The following COMMD10 variants were observed in gnomAD, a reference collection of about 807,000 sequenced individuals.
COMMD10 encodes COMM domain-containing protein 10.
In COMMD10, 33 loss-of-function variants were observed where a neutral mutation model predicts 28.9. The observed-to-expected ratio is 1.14, with a 90% CI of 0.87 to 1.53. COMMD10 has a LOEUF of 1.53. Ranked by LOEUF, COMMD10 falls within the 40% of genes most tolerant of loss-of-function variation. The pLI, the probability that COMMD10 is intolerant of heterozygous loss-of-function variation, is 0.00. For missense variants in COMMD10, 310 were observed against 233.4 expected (o/e 1.33, Z -2.14); for synonymous variants, 110 against 81.7 (o/e 1.35, Z -1.87).
chr5:116,098,943 A>G (rs1750557336), intron 4 of COMMD10, among the ~76,000 whole-genome samples: 1 of 152,224 alleles, frequency 6.6e-6, no homozygotes, highest in South Asian at 2.1e-4. Context: ...CTGTCACCAC[A>G]CAGTTACCAC....
chr5:116,221,258 C>T lies in COMMD10; in HGVS notation c.511-70259C>T, dbSNP rs138417922. ...CCTTATTCCAACCAATCAATGACCC[C>T]AAATTTCCAGCCCCTTGCCCTCTAC... On this transcript the variant is annotated intron_variant, in intron 5 of 6. Coordinates refer to ENST00000274458, the MANE Select transcript of COMMD10 (RefSeq NM_016144.4). 2.0e-3 allele frequency among the ~76,000 whole-genome samples: 302 copies of T among 152,052 alleles called. 2 individuals are homozygous for T. The highest frequency in any genetic ancestry group is 6.9e-3 in the African/African-American group (287 of 41,470).
chr5:116,157,667 A>C (rs1489400256), intron 5 of COMMD10, among the ~76,000 whole-genome samples: 1 of 152,186 alleles, frequency 6.6e-6, no homozygotes, highest in Non-Finnish European at 1.5e-5. Context: ...TTGTTGATGG[A>C]ACATGCTGCA....
chr5:116,260,580 G>A (rs4466201), intron 5 of COMMD10, among the ~76,000 whole-genome samples: 92,135 of 151,598 alleles, frequency 0.61, 31,762 homozygotes, highest in South Asian at 0.77. Flanking sequence ...ATCACAAAAG[G>A]ACTTCACTGT....
intron 5 of COMMD10, among the ~76,000 whole-genome samples, chr5:116,254,497 G>C (rs1750221016): frequency 1.3e-5 from 2 of 150,942 alleles, no homozygotes; most frequent in African/African-American, 4.9e-5. Context: ...GGTATGTTGT[G>C]TCTTTGTTCT....
intron 5 of COMMD10, among the ~76,000 whole-genome samples, chr5:116,141,046 G>A (rs1408036432): frequency 1.3e-5 from 2 of 151,766 alleles, no homozygotes; most frequent in East Asian, 1.9e-4. Context: ...CTTTCTTCTA[G>A]GAGTTTTATG....
intron 5 of COMMD10, among the ~76,000 whole-genome samples, chr5:116,245,952 C>A (rs967981153): frequency 1.3e-5 from 2 of 152,094 alleles, no homozygotes; most frequent in Non-Finnish European, 2.9e-5. Context: ...TCTCACCACT[C>A]CTATTCAACA....
At chr5:116,216,287 A>G (rs1749098473) in intron 5 of COMMD10, among the ~76,000 whole-genome samples, 1 of 152,228 alleles carries the variant, frequency 6.6e-6, no homozygotes, top group African/African-American at 2.4e-5. Flanking sequence ...TTGAGTTTTT[A>G]AATGTATGTT....
chr5:116,153,674 A>C (rs144628239), intron 5 of COMMD10, among the ~76,000 whole-genome samples: 26 of 152,162 alleles, frequency 1.7e-4, no homozygotes, highest in Admixed American at 1.4e-3. Context: ...AATAATTTGC[A>C]GCTTAATAAA....
intron 5 of COMMD10, among the ~76,000 whole-genome samples, chr5:116,222,522 T>TCCTA (rs1749287465): frequency 6.6e-6 from 1 of 152,162 alleles, no homozygotes; most frequent in Non-Finnish European, 1.5e-5. Flanking sequence ...AGTCTACTTG[T>TCCTA]ATTTGTAAAG....
chr5:116,159,009 TG>T (rs1752831226), intron 5 of COMMD10, among the ~76,000 whole-genome samples: 2 of 152,212 alleles, frequency 1.3e-5, no homozygotes, highest in Admixed American at 6.5e-5. Flanking sequence ...TTATTTCTCC[TG>T]TGGCTAATCA....
intron 5 of COMMD10, among the ~76,000 whole-genome samples, chr5:116,137,245 T>C (rs3933997): frequency 0.82 from 124,953 of 151,944 alleles, 51,543 homozygotes; most frequent in African/African-American, 0.85. Context: ...CTACTTTTCT[T>C]TCAAATATTT....
At chr5:116,159,380 T>G (rs10062347) in intron 5 of COMMD10, among the ~76,000 whole-genome samples, 77,005 of 152,064 alleles carry the variant, frequency 0.51, 22,155 homozygotes, top group Non-Finnish European at 0.65. Context: ...TCCCTAGATA[T>G]ACACATGGAT....
chr5:116,259,748 C>T (rs1446262671), intron 5 of COMMD10, among the ~76,000 whole-genome samples: 3 of 151,626 alleles, frequency 2.0e-5, no homozygotes, highest in African/African-American at 7.3e-5. Context: ...AAGTTTTTCA[C>T]CTGGGTTTCG....
At chr5:116,148,100 A>T (rs937151915) in intron 5 of COMMD10, among the ~76,000 whole-genome samples, 1 of 151,860 alleles carries the variant, frequency 6.6e-6, no homozygotes, top group African/African-American at 2.4e-5. Flanking sequence ...TTAAAGCCAT[A>T]TTTAAAATAC....
At chr5:116,130,874 A>C (rs1580472785) in intron 4 of COMMD10, among the ~76,000 whole-genome samples, 2 of 152,022 alleles carry the variant, frequency 1.3e-5, no homozygotes, top group South Asian at 4.1e-4. Flanking sequence ...AATAAGTATA[A>C]CATTGTAAAT....
chr5:116,101,514 C>A (rs772359329), intron 4 of COMMD10, among the ~76,000 whole-genome samples: 7 of 152,130 alleles, frequency 4.6e-5, no homozygotes, highest in Non-Finnish European at 1.0e-4. Context: ...GCAACCTCCG[C>A]CTCCCAGGTT....
chr5:116,131,325 G>A (rs1163752320), intron 4 of COMMD10, among the ~76,000 whole-genome samples: 2 of 151,824 alleles, frequency 1.3e-5, no homozygotes, highest in African/African-American at 4.8e-5. Context: ...ATTATAAAAA[G>A]GATTTCTGGA....
intron 5 of COMMD10, among the ~76,000 whole-genome samples, chr5:116,213,972 T>C (rs1749033882): frequency 6.6e-6 from 1 of 152,164 alleles, no homozygotes; most frequent in East Asian, 1.9e-4. Context: ...TTTTTAATTA[T>C]CATATTTAGA....
intron 5 of COMMD10, among the ~76,000 whole-genome samples, chr5:116,210,579 C>G (rs78398325): frequency 3.3e-5 from 5 of 152,014 alleles, no homozygotes; most frequent in African/African-American, 1.2e-4. Flanking sequence ...TACTATTAGA[C>G]ATTGTTTATC....
Sources: allele counts gnomAD v4.1 joint callset (sites outside exome capture counted in the v4.1 genomes callset), GRCh38; gene constraint gnomAD v4.1.1; transcripts MANE v1.5; gene names NCBI Gene and HGNC (gene_info 2026-07-23, HGNC 2026-07-21).